The following CERS3 variants were observed in gnomAD, a reference collection of about 807,000 sequenced individuals.
CERS3 encodes the protein ceramide synthase 3, also known as LAG1 homolog, ceramide synthase 3.
In CERS3, 33 loss-of-function variants were observed where a neutral mutation model predicts 50.3. The ratio of observed to expected loss-of-function variants is 0.66; its 90% confidence interval spans 0.50 to 0.88. The LOEUF (loss-of-function observed/expected upper bound fraction) is 0.88, where lower values mean the gene tolerates loss of function less well. Ranked by LOEUF, CERS3 falls within the 40% of genes least tolerant of loss-of-function variation. The pLI is 0.00. For synonymous variants in CERS3, 176 were observed against 155.2 expected (o/e 1.13, Z -0.99); for missense variants, 470 against 460.3 (o/e 1.02, Z -0.19).
chr15:100,509,972 T>C (rs1209126426), intron 2 of CERS3, among the ~76,000 whole-genome samples: 1 of 151,456 alleles, frequency 6.6e-6, no homozygotes, highest in Admixed American at 6.6e-5. Context: ...GTAAACATGT[T>C]TATCTACATT....
At chr15:100,491,893 C>T (rs2035663744) in intron 3 of CERS3, among the ~76,000 whole-genome samples, 1 of 146,356 alleles carries the variant, frequency 6.8e-6, no homozygotes, top group Non-Finnish European at 1.5e-5. Flanking sequence ...TTATTGATTT[C>T]TTTTTTTTTT....
At chr15:100,533,858 C>T (rs886967207), upstream of CERS3, among the ~76,000 whole-genome samples, 3 of 152,152 alleles carry the variant, frequency 2.0e-5, no homozygotes, top group Admixed American at 6.5e-5. Context: ...ATGACCAGCC[C>T]ACTGGGTTCT....
intron 4 of CERS3, among the ~76,000 whole-genome samples, chr15:100,489,565 A>G (rs1345771492): frequency 6.6e-6 from 1 of 152,162 alleles, no homozygotes; most frequent in African/African-American, 2.4e-5. Context: ...TATACAAAGT[A>G]TTACTAAAGT....
At chr15:100,538,971 T>C (rs897229339) in intron 1 of CERS3, among the ~76,000 whole-genome samples, 2 of 152,212 alleles carry the variant, frequency 1.3e-5, no homozygotes, top group Admixed American at 1.3e-4. Context: ...AGTCACCTCT[T>C]GAACACTTTA....
intron 11 of CERS3, among the ~76,000 whole-genome samples, chr15:100,414,103 C>T (rs1171864926): frequency 6.6e-6 from 1 of 152,036 alleles, no homozygotes; most frequent in Admixed American, 6.6e-5. Context: ...ATGATGTCAG[C>T]ATCATTCTGA....
chr15:100,414,305 C>A (rs900003499), intron 11 of CERS3, among the ~76,000 whole-genome samples: 3 of 152,176 alleles, frequency 2.0e-5, no homozygotes, highest in Non-Finnish European at 4.4e-5. Context: ...GAAAAACATT[C>A]CATGTTCATG....
chr15:100,544,427 C>T (rs2037297674), intron 1 of CERS3: 1 of 119,088 alleles, frequency 8.4e-6, no homozygotes, highest in Non-Finnish European at 1.8e-5. Flanking sequence ...CGGCCTTGAC[C>T]TGCGCGGGGT....
chr15:100,452,273 T>C (rs1044249404), intron 11 of CERS3, among the ~76,000 whole-genome samples: 2 of 152,198 alleles, frequency 1.3e-5, no homozygotes, highest in African/African-American at 4.8e-5. Context: ...TTATATGTAG[T>C]ATCTTTTTAG....
intron 1 of CERS3, among the ~76,000 whole-genome samples, chr15:100,540,763 G>T (rs1265033961): frequency 6.6e-6 from 1 of 152,122 alleles, no homozygotes; most frequent in African/African-American, 2.4e-5. Context: ...TATGAGCCCA[G>T]ATCTCACCCC....
At position 100,441,771 on chromosome 15, in the gene CERS3, T is replaced by C. The variant is rs12592316; in HGVS notation, c.999+14122A>G. On this transcript the variant is annotated intron_variant, in intron 11 of 11. Coordinates refer to ENST00000679737, the MANE Select transcript of CERS3 (RefSeq NM_001378789.1). The stretch of plus-strand genomic sequence containing the variant: ...AAATAGGCAAACGGTCTGAGGTGCC[T>C]GACGTCCAGGCATTCTTTTACACAT... 0.023 allele frequency among the ~76,000 whole-genome samples: 3,528 copies of C among 150,494 alleles called. 249 individuals are homozygous for C. The East Asian group carries it at 0.3, about 13-fold the overall frequency.
chr15:100,508,338 G>A (rs1174433917), intron 2 of CERS3, among the ~76,000 whole-genome samples: 2 of 152,084 alleles, frequency 1.3e-5, no homozygotes, highest in Non-Finnish European at 2.9e-5. Context: ...CCGTGTAAAG[G>A]AGGCTGCTGG....
At chr15:100,502,267 A>AAAAAAAAAAAAG (rs2036033219) in intron 2 of CERS3, among the ~76,000 whole-genome samples, 70 of 109,242 alleles carry the variant, frequency 6.4e-4, no homozygotes, top group Non-Finnish European at 7.5e-4. Context: ...AAAAAAAAAA[A>AAAAAAAAAAAAG]AAAGAAAGAA....
At position 100,467,770 on chromosome 15, in the gene CERS3, T is replaced by G. The variant is rs1305681266; in HGVS notation, c.845+1608A>C. ...TTCTCTCTCTCTCTCTCTCTCTCTC[T>G]ATATATATATACACACATATATATG... On this transcript the variant is annotated intron_variant, in intron 10 of 11. Coordinates refer to ENST00000679737, the MANE Select transcript of CERS3 (RefSeq NM_001378789.1). Among the ~76,000 whole-genome samples, 6 of 99,978 alleles carry G rather than the reference T, an allele frequency of 6.0e-5. 1 individual carries two copies. The highest frequency in any genetic ancestry group is 4.1e-4 in the Admixed American group (4 of 9,640). 65.6% of individuals were successfully genotyped at this position (99,978 alleles called of 152,430 possible).
At chr15:100,536,727 C>T (rs114094976) in intron 1 of CERS3, among the ~76,000 whole-genome samples, 2,551 of 152,310 alleles carry the variant, frequency 0.017, 82 homozygotes, top group African/African-American at 0.059. Context: ...TTAGTAGCTT[C>T]AATATCCACA....
chr15:100,406,344 ACTT>A (rs997626699), intron 11 of CERS3, among the ~76,000 whole-genome samples: 1 of 152,158 alleles, frequency 6.6e-6, no homozygotes, highest in Non-Finnish European at 1.5e-5. Flanking sequence ...TAACTGTACA[ACTT>A]CTTTTTTCCC....
At chr15:100,472,160 C>T (rs1041992445) in intron 9 of CERS3, among the ~76,000 whole-genome samples, 1 of 152,110 alleles carries the variant, frequency 6.6e-6, no homozygotes, top group Non-Finnish European at 1.5e-5. Flanking sequence ...AATGGGTTAG[C>T]GTCATTTCCC....
At chr15:100,486,436 T>A (rs1166788538) in intron 4 of CERS3, among the ~76,000 whole-genome samples, 1 of 152,184 alleles carries the variant, frequency 6.6e-6, no homozygotes, top group Non-Finnish European at 1.5e-5. Context: ...GCTACCCACC[T>A]CCGAGGGATG....
intron 11 of CERS3, among the ~76,000 whole-genome samples, chr15:100,433,723 G>GCACA (rs143179775): frequency 1.3e-5 from 2 of 152,112 alleles, no homozygotes; most frequent in East Asian, 3.9e-4. Context: ...GCACACATGT[G>GCACA]CACACACACA....
chr15:100,433,832 G>C (rs558450356), intron 11 of CERS3, among the ~76,000 whole-genome samples: 1 of 152,342 alleles, frequency 6.6e-6, no homozygotes, highest in Non-Finnish European at 1.5e-5. Context: ...TCAGGCTTTC[G>C]CCACAGCCTT....
Sources: allele counts gnomAD v4.1 joint callset (sites outside exome capture counted in the v4.1 genomes callset), GRCh38; gene constraint gnomAD v4.1.1; transcripts MANE v1.5; gene names NCBI Gene and HGNC (gene_info 2026-07-23, HGNC 2026-07-21).